Variants in BRD4 observed in about 807,000 individuals in gnomAD.
The protein encoded by BRD4 is bromodomain-containing protein 4.
In BRD4, 16 loss-of-function variants were observed where a neutral mutation model predicts 142.1. The observed-to-expected ratio is 0.11, with a 90% CI of 0.08 to 0.17. The LOEUF (loss-of-function observed/expected upper bound fraction) is 0.17. BRD4 is among the 10% of genes least tolerant of loss of function. The pLI is 1.00. For missense variants in BRD4, 1,424 were observed against 1,810.9 expected, an observed-to-expected ratio of 0.79 and a Z score of 3.88; for synonymous variants, 833 against 707.5, an observed-to-expected ratio of 1.18 and a Z score of -2.82.
rs756175062 is a variant in BRD4, at chr19:15,243,491, G to A, written c.2582-4C>T. 1.9e-5 allele frequency: 29 copies of A among 1,553,708 alleles called. No homozygotes were observed. In the South Asian group the frequency reaches 3.2e-4, roughly 17 times the overall value. On this transcript the variant is annotated splice_polypyrimidine_tract_variant and splice_region_variant and intron_variant, in intron 13 of 19. Coordinates refer to ENST00000679869, the MANE Select transcript of BRD4 (RefSeq NM_001379291.1). ...TGGGGTAGTGCGTTGTGCAAAGCTG[G>A]AAGAACACAACACCGAGGCGGTGAG...
At chr19:15,320,035 C>G (rs777667456) in intron 1 of BRD4, among the ~76,000 whole-genome samples, 8 of 152,062 alleles carry the variant, frequency 5.3e-5, no homozygotes, top group Non-Finnish European at 1.2e-4. Flanking sequence ...ATTCTGGTAC[C>G]TGGTCTTTAG....
intron 7 of BRD4, among the ~76,000 whole-genome samples, chr19:15,259,424 C>T (rs1337244199): frequency 6.6e-6 from 1 of 152,228 alleles, no homozygotes; most frequent in Non-Finnish European, 1.5e-5. Flanking sequence ...GGGTGTGTGG[C>T]ATTCACTCTG....
At chr19:15,267,647 C>T in intron 3 of BRD4, 96 bp from the exon 4 acceptor site, 1 of 1,410,596 alleles carries the variant, frequency 7.1e-7, no homozygotes, top group South Asian at 1.3e-5. Context: ...GCCCCCAAAA[C>T]ATGAAGCGTC....
Position 15,237,736 on chromosome 19 carries a change from G to A in BRD4, c.*641C>T, listed in dbSNP as rs200753158. 17 of 232,552 alleles carry A rather than the reference G, an allele frequency of 7.3e-5. No homozygotes were observed. The highest frequency in any genetic ancestry group is 1.2e-4 in the East Asian group (2 of 16,532). The allele number at this position is 232,552 out of a possible 1,614,324, so 14.4% of individuals were successfully genotyped here. ...CCACGCAGGACAGTCGCCTCGCTCCGGATGCCATGGACACACACACCTCCA... is the reference window on the plus strand; with the variant it reads ...CCACGCAGGACAGTCGCCTCGCTCCAGATGCCATGGACACACACACCTCCA... On this transcript the variant is annotated 3_prime_UTR_variant, in exon 20 of 20. Transcript: ENST00000679869.
intron 11 of BRD4, among the ~76,000 whole-genome samples, chr19:15,251,718 G>C (rs1358538093): frequency 6.6e-6 from 1 of 152,150 alleles, no homozygotes; most frequent in Non-Finnish European, 1.5e-5. Context: ...TTCCCATTTC[G>C]GGATCTGCCG....
At position 15,273,128 on chromosome 19, in the gene BRD4, G is replaced by C; in HGVS notation, c.-29C>G. The C allele has an allele frequency of 6.4e-7, 1 of 1,557,078 alleles. No individual in the cohort carries two copies. The highest frequency in any genetic ancestry group is 8.7e-7 in the Non-Finnish European group (1 of 1,149,206). On this transcript the variant is annotated 5_prime_UTR_variant, in exon 2 of 20. Coordinates refer to ENST00000679869, the MANE Select transcript of BRD4 (RefSeq NM_001379291.1). ...AGTGATCCCATCACATTCTTCACCA[G>C]GCACTCTACAAAGGAAGAGAAGAGC... is the stretch of plus-strand genomic sequence containing the variant.
chr19:15,281,391 G>A (rs1441988243), intron 1 of BRD4, among the ~76,000 whole-genome samples: 1 of 152,198 alleles, frequency 6.6e-6, no homozygotes, highest in East Asian at 1.9e-4. Context: ...CCCACTGGAG[G>A]GGACACAGGC....
At chr19:15,256,639 G>A (rs902142489) in intron 8 of BRD4, among the ~76,000 whole-genome samples, 5 of 152,106 alleles carry the variant, frequency 3.3e-5, no homozygotes, top group Non-Finnish European at 5.9e-5. Flanking sequence ...ATAGGGAGAG[G>A]AGCAAACAGG....
intron 1 of BRD4, among the ~76,000 whole-genome samples, chr19:15,330,258 G>A (rs1192525952): frequency 1.3e-5 from 2 of 152,136 alleles, no homozygotes; most frequent in South Asian, 2.1e-4. Context: ...TCCTACCAAA[G>A]AAAGAGGTAT....
At position 15,237,840 on chromosome 19, in the gene BRD4, G is replaced by A. The variant is rs920066846; in HGVS notation, c.*537C>T. The A allele has an allele frequency of 2.1e-5, 5 of 235,300 alleles. No homozygotes were observed. The highest frequency in any genetic ancestry group is 5.5e-5 in the Admixed American group (1 of 18,080). The allele number at this position is 235,300 out of a possible 1,614,324, so 14.6% of individuals were successfully genotyped here. The stretch of plus-strand genomic sequence containing the variant: ...AAAGGCTTGTGGGGGAGGGTCGGGG[G>A]GTCTGTTCAAGGCAAAGTCAGTGCC... On this transcript the variant is annotated 3_prime_UTR_variant, in exon 20 of 20. Coordinates refer to ENST00000679869, the MANE Select transcript of BRD4 (RefSeq NM_001379291.1).
At chr19:15,258,268 A>G (rs1437458271) in intron 7 of BRD4, among the ~76,000 whole-genome samples, 1 of 151,304 alleles carries the variant, frequency 6.6e-6, no homozygotes, top group Non-Finnish European at 1.5e-5. Context: ...GGCATCCCAT[A>G]TAACTGTGGT....
intron 1 of BRD4, among the ~76,000 whole-genome samples, chr19:15,316,147 C>T (rs1452633736): frequency 8.8e-6 from 1 of 113,594 alleles, no homozygotes; most frequent in African/African-American, 3.6e-5. Context: ...CAGAGCGAGA[C>T]ACCGTCTCAA....
At chr19:15,294,928 T>C (rs1279211301) in intron 1 of BRD4, among the ~76,000 whole-genome samples, 1 of 152,152 alleles carries the variant, frequency 6.6e-6, no homozygotes, top group East Asian at 1.9e-4. Flanking sequence ...CCAAAGAACA[T>C]GACTAACTCC....
chr19:15,286,191 C>T (rs2047738723), intron 1 of BRD4, among the ~76,000 whole-genome samples: 1 of 152,186 alleles, frequency 6.6e-6, no homozygotes, highest in African/African-American at 2.4e-5. Flanking sequence ...TCCAGTAACA[C>T]AAATCAGTCC....
At chr19:15,277,162 G>C (rs1355355876) in intron 1 of BRD4, among the ~76,000 whole-genome samples, 1 of 152,206 alleles carries the variant, frequency 6.6e-6, no homozygotes, top group Non-Finnish European at 1.5e-5. Flanking sequence ...TTAAGAGTTA[G>C]CTGAAGGTCA....
At chr19:15,263,357 G>T (rs1012060724) in intron 7 of BRD4, 63 bp downstream of exon 7, 9 of 1,569,892 alleles carry the variant, frequency 5.7e-6, no homozygotes, top group Admixed American at 1.8e-5. Context: ...GCCCACAGAA[G>T]TCTGCTCCCA....
intron 1 of BRD4, among the ~76,000 whole-genome samples, chr19:15,317,701 G>A (rs144768904): frequency 4.8e-4 from 73 of 152,174 alleles, no homozygotes; most frequent in Middle Eastern, 6.8e-3. Flanking sequence ...TCTCACAAGT[G>A]CAAAGGACAT....
chr19:15,310,380 C>CA (rs1215996476), intron 1 of BRD4, among the ~76,000 whole-genome samples: 44 of 26,796 alleles, frequency 1.6e-3, no homozygotes, highest in African/African-American at 5.0e-3. Context: ...CCCCCCCCCC[C>CA]GAAGGAGTCT....
chr19:15,295,109 T>TGCCC (rs1457654576), intron 1 of BRD4, among the ~76,000 whole-genome samples: 1 of 152,240 alleles, frequency 6.6e-6, no homozygotes, highest in Non-Finnish European at 1.5e-5. Context: ...GTTGAACCTC[T>TGCCC]GCCCATCCCA....
Sources: gnomAD v4.1 joint callset for allele counts (sites outside exome capture counted in the v4.1 genomes callset) on GRCh38, gnomAD v4.1.1 for gene constraint, MANE v1.5 for transcripts, NCBI Gene and HGNC (gene_info 2026-07-23, HGNC 2026-07-21) for gene names.